KCNK12: variants seen among roughly 807,000 people sequenced by gnomAD.
KCNK12 encodes the protein potassium two pore domain channel subfamily K member 12.
Under a neutral mutation model 25.3 loss-of-function variants are expected in KCNK12, and 6 were observed. That is an observed-to-expected ratio of 0.24 (90% CI 0.13 to 0.47). The LOEUF (loss-of-function observed/expected upper bound fraction) is 0.47. KCNK12 is among the 20% of genes least tolerant of loss of function. The pLI, the probability that KCNK12 is intolerant of heterozygous loss-of-function variation, is 0.99. For missense variants in KCNK12, 444 were observed against 661.7 expected (o/e 0.67, Z 3.61); for synonymous variants, 331 against 311.1 (o/e 1.06, Z -0.67).
At chr2:47,554,468 C>T (rs745644034) in intron 1 of KCNK12, among the ~76,000 whole-genome samples, 3 of 152,146 alleles carry the variant, frequency 2.0e-5, no homozygotes, top group African/African-American at 7.2e-5. Context: ...GTCAGCCATG[C>T]CGTGACTCAC....
At chr2:47,545,392 A>G (rs559922254) in intron 1 of KCNK12, among the ~76,000 whole-genome samples, 3 of 152,392 alleles carry the variant, frequency 2.0e-5, no homozygotes, top group Admixed American at 1.3e-4. Flanking sequence ...GCTGGGGACC[A>G]CTGAAATGCA....
rs752795617 is a variant in KCNK12 at position 47,512,292 on chromosome 2, C to T, written c.*8615G>A. The T allele has an allele frequency of 6.2e-7, 1 of 1,612,196 alleles. No individual in the cohort carries two copies. The highest frequency in any genetic ancestry group is 8.5e-7 in the Non-Finnish European group (1 of 1,179,650). On this transcript the variant is annotated 3_prime_UTR_variant, in exon 2 of 2. Coordinates refer to ENST00000327876, the MANE Select transcript of KCNK12 (RefSeq NM_022055.2). ...CTCCTACATTTTCTCCTCTCTTCTC[C>T]TTCCTTTCAGAACCTCAGAGTGACA...
chr2:47,570,209 C>T lies in KCNK12; in HGVS notation c.123G>A (p.Leu41=), dbSNP rs764741956. ...HLNEDTGRFV[L]LAALIGLYLV... is the part of the protein sequence containing the mutation. ...GGTAGAGGCCGATGAGCGCCGCCAGCAGCACGAAGCGGCCGGTGTCCTCGT... is the reference window on the plus strand; with the variant it reads ...GGTAGAGGCCGATGAGCGCCGCCAGTAGCACGAAGCGGCCGGTGTCCTCGT... The change falls in exon 1 of 2, where the codon CTG becomes CTA. Residue 41 remains leucine, a synonymous_variant. Coordinates refer to ENST00000327876, the MANE Select transcript of KCNK12 (RefSeq NM_022055.2). 6.7e-7 allele frequency: 1 copy of T among 1,494,912 alleles called. No individual in the cohort carries two copies. Among genetic ancestry groups the T allele is most frequent in the Non-Finnish European group, 8.9e-7 (1 of 1,126,296 alleles). 92.6% of individuals were successfully genotyped at this position (1,494,912 alleles called of 1,614,324 possible).
rs1182039226 is a variant in KCNK12, at chr2:47,570,315, G to A, written c.17C>T (p.Pro6Leu). Residue 6 changes from proline to leucine, a missense_variant, in exon 1 of 2, where the codon CCC (proline) becomes CTC (leucine). Physicochemically the swap from Pro to Leu is moderately conservative, Grantham distance 98. Transcript: ENST00000327876. ...GCGGCTACGGCGGGGCGGGGGCCGGGGGCTGCGGGAGGACATGGTCCGGAG... is the reference window on the plus strand; with the variant it reads ...GCGGCTACGGCGGGGCGGGGGCCGGAGGCTGCGGGAGGACATGGTCCGGAG... MSSRS[P>L]RPPPRRSRRR... 2 of 1,336,108 alleles carry A rather than the reference G, an allele frequency of 1.5e-6. No individual in the cohort carries two copies. Among genetic ancestry groups the A allele is most frequent in the Non-Finnish European group, 1.9e-6 (2 of 1,047,076 alleles). 82.8% of individuals were successfully genotyped at this position (1,336,108 alleles called of 1,614,324 possible).
chr2:47,559,199 A>G (rs1375813785), intron 1 of KCNK12, among the ~76,000 whole-genome samples: 1 of 152,228 alleles, frequency 6.6e-6, no homozygotes, highest in African/African-American at 2.4e-5. Flanking sequence ...AGAGCCATGG[A>G]AACGCACTGC....
intron 1 of KCNK12, among the ~76,000 whole-genome samples, chr2:47,522,604 T>G (rs1668683171): frequency 6.6e-6 from 1 of 152,212 alleles, no homozygotes; most frequent in Non-Finnish European, 1.5e-5. Context: ...GCCTCCCAAG[T>G]GATAGGACTG....
In KCNK12 at chr2:47,521,562, A is replaced by C; in HGVS notation, c.638T>G (p.Val213Gly). ...GCCCAGGATGAGCAGCACGTGGTAC[A>C]CCGAGGGCTTCCAGCCCGCCAGGCT... Reference protein sequence around the residue: ...ADSLAGWKPSVYHVLLILGLF... With the variant: ...ADSLAGWKPSGYHVLLILGLF... The change falls in exon 2 of 2, where the codon GTG (valine) becomes GGG (glycine). Residue 213 changes from valine to glycine, a missense_variant. Physicochemically the swap from Val to Gly is moderately radical, Grantham distance 109. This residue lies in a region of KCNK12 where 56 missense variants were observed against 135.7 expected (regional missense o/e 0.41). Coordinates refer to ENST00000327876, the MANE Select transcript of KCNK12 (RefSeq NM_022055.2). 6.4e-7 allele frequency: 1 copy of C among 1,558,854 alleles called. No individual in the cohort carries two copies. Among genetic ancestry groups the C allele is most frequent in the Non-Finnish European group, 8.7e-7 (1 of 1,151,428 alleles).
chr2:47,563,549 A>G (rs1269240381), intron 1 of KCNK12: 1 of 232,946 alleles, frequency 4.3e-6, no homozygotes, highest in East Asian at 6.0e-5. Flanking sequence ...CTTGTGTAAA[A>G]TGAGGAACAA....
At chr2:47,541,241 G>T (rs774304227) in intron 1 of KCNK12, among the ~76,000 whole-genome samples, 1 of 152,184 alleles carries the variant, frequency 6.6e-6, no homozygotes, top group Non-Finnish European at 1.5e-5. Flanking sequence ...CCTGTTGGGA[G>T]CCTGCTATGG....
chr2:47,527,214 C>T (rs1392089309), intron 1 of KCNK12, among the ~76,000 whole-genome samples: 1 of 152,214 alleles, frequency 6.6e-6, no homozygotes, highest in African/African-American at 2.4e-5. Context: ...AGGGGAGCAT[C>T]TTCGTGGGAG....
At position 47,541,602 on chromosome 2, in the gene KCNK12, C is replaced by T. The variant is rs190923688; in HGVS notation, c.392-19794G>A. Among the ~76,000 whole-genome samples the T allele has an allele frequency of 6.1e-3, 933 of 152,198 alleles. 22 individuals carry two copies. Among genetic ancestry groups the T allele is most frequent in the Admixed American group, 0.038 (588 of 15,300 alleles). On this transcript the variant is annotated intron_variant, in intron 1 of 1. Transcript: ENST00000327876. ...AACACTCCAGTACCTCAGAATGTTA[C>T]TGCATTGGTAGAAAGGCTTTTTAAA... is the stretch of plus-strand genomic sequence containing the variant.
intron 1 of KCNK12, among the ~76,000 whole-genome samples, chr2:47,526,728 G>A (rs781718027): frequency 1.3e-5 from 2 of 152,120 alleles, no homozygotes; most frequent in East Asian, 1.9e-4. Flanking sequence ...GCGAAACTCC[G>A]TCTCAAAAAC....
intron 1 of KCNK12, among the ~76,000 whole-genome samples, chr2:47,544,743 C>T (rs1237796963): frequency 6.6e-6 from 1 of 152,166 alleles, no homozygotes; most frequent in East Asian, 1.9e-4. Flanking sequence ...TAGGTGGGTC[C>T]CCCAGGCTAG....
chr2:47,534,515 A>ACCCCCCCCCCCCCC (rs34901455), intron 1 of KCNK12, among the ~76,000 whole-genome samples: 4 of 48,162 alleles, frequency 8.3e-5, no homozygotes, highest in Non-Finnish European at 1.1e-4. Context: ...GCCCCTTCTA[A>ACCCCCCCCCCCCCC]CCCCCCCCCC....
intron 1 of KCNK12, among the ~76,000 whole-genome samples, chr2:47,549,829 G>A (rs1254752242): frequency 6.6e-6 from 1 of 152,080 alleles, no homozygotes; most frequent in Non-Finnish European, 1.5e-5. Flanking sequence ...AGCTACTCAG[G>A]AGGCTGAGGC....
intron 1 of KCNK12, among the ~76,000 whole-genome samples, chr2:47,553,789 A>C (rs908231167): frequency 6.6e-6 from 1 of 152,104 alleles, no homozygotes; most frequent in Non-Finnish European, 1.5e-5. Context: ...AAGCAGTTTC[A>C]CCTGTCATTG....
intron 1 of KCNK12, among the ~76,000 whole-genome samples, chr2:47,567,628 C>T (rs1351035494): frequency 2.0e-5 from 3 of 152,242 alleles, no homozygotes; most frequent in Non-Finnish European, 4.4e-5. Flanking sequence ...AGAGACCCTG[C>T]TACTTTTGTG....
At chr2:47,567,053 C>T (rs1281960198) in intron 1 of KCNK12, 1 of 152,206 alleles carries the variant, frequency 6.6e-6, no homozygotes, top group Non-Finnish European at 1.5e-5. Context: ...CTGATACATA[C>T]AATCATGTTA....
rs538553480 is a variant in KCNK12 at position 47,556,148 on chromosome 2, A to C, written c.391+13793T>G. On this transcript the variant is annotated intron_variant, in intron 1 of 1. Coordinates refer to ENST00000327876, the MANE Select transcript of KCNK12 (RefSeq NM_022055.2). The surrounding 1 kb of genome is among the most constrained non-coding windows in gnomAD (Gnocchi z 4.8). ...TGGGAAAGTAGCAGGAGGGTGATGC[A>C]GGGTCTATTAAGAAGGAAGAATATA... Among the ~76,000 whole-genome samples, 2 of 152,316 alleles carry C rather than the reference A, an allele frequency of 1.3e-5. No individual in the cohort carries two copies. Among genetic ancestry groups the C allele is most frequent in the South Asian group, 4.1e-4 (2 of 4,824 alleles).
Sources: allele counts gnomAD v4.1 joint callset (sites outside exome capture counted in the v4.1 genomes callset), GRCh38; gene constraint gnomAD v4.1.1; regional missense constraint gnomAD v4.1.1; non-coding constraint Gnocchi (gnomAD v3.1); transcripts MANE v1.5; gene names NCBI Gene and HGNC (gene_info 2026-07-23, HGNC 2026-07-21).